Variants in HDAC8 observed in about 807,000 individuals in gnomAD.
HDAC8 encodes the protein histone deacetylase-like 1.
Under a neutral mutation model 32.2 loss-of-function variants are expected in HDAC8, and 1 was observed. The observed-to-expected ratio is 0.03, with a 90% CI of 0.01 to 0.15. The LOEUF is 0.15. Among genes scored for constraint, HDAC8 ranks in the 10% least tolerant of loss-of-function variants. The probability of loss-of-function intolerance (pLI) is 1.00; values close to 1 mark genes in which losing one functional copy is unlikely to be tolerated. For missense variants in HDAC8, 117 were observed against 300.0 expected (o/e 0.39, Z 4.51); for synonymous variants, 108 against 113.9 (o/e 0.95, Z 0.33).
chrX:72,550,015 T>G (rs2051010522), intron 4 of HDAC8, among the ~76,000 whole-genome samples: 2 of 112,136 alleles, frequency 1.8e-5, no homozygotes, highest in South Asian at 7.5e-4. Context: ...TGTCTAAAGC[T>G]GAAGTTCTTA....
At chrX:72,554,125 A>T (rs2051186583) in intron 4 of HDAC8, among the ~76,000 whole-genome samples, 1 of 112,005 alleles carries the variant, frequency 8.9e-6, no homozygotes, top group Non-Finnish European at 1.9e-5. Flanking sequence ...ATAATATCAT[A>T]TCATTACAGA....
intron 9 of HDAC8, among the ~76,000 whole-genome samples, chrX:72,398,638 G>A (rs369892229): frequency 1.8e-5 from 2 of 110,118 alleles, no homozygotes; most frequent in East Asian, 2.8e-4. Flanking sequence ...CACGTCTAGC[G>A]GGATTGTCTT....
chrX:72,504,723 G>C (rs1344623832), intron 4 of HDAC8, among the ~76,000 whole-genome samples: 1 of 112,077 alleles, frequency 8.9e-6, no homozygotes, highest in Non-Finnish European at 1.9e-5. Context: ...CTTAGAAGTG[G>C]AATTTTTAGG....
At chrX:72,548,614 T>C (rs924338968) in intron 4 of HDAC8, among the ~76,000 whole-genome samples, 1 of 111,759 alleles carries the variant, frequency 8.9e-6, no homozygotes, top group Non-Finnish European at 1.9e-5. Flanking sequence ...GAAGACATCT[T>C]CATCATCACC....
chrX:72,536,949 AAAG>A (rs1179664119), intron 4 of HDAC8, among the ~76,000 whole-genome samples: 2 of 112,016 alleles, frequency 1.8e-5, no homozygotes, highest in South Asian at 3.8e-4. Context: ...GCACAGAGAG[AAAG>A]AAGGTTTGGG....
intron 4 of HDAC8, among the ~76,000 whole-genome samples, chrX:72,556,071 G>A (rs1260709882): frequency 8.9e-6 from 1 of 111,863 alleles, no homozygotes; most frequent in Non-Finnish European, 1.9e-5. Flanking sequence ...AACCTTACAA[G>A]CTGGAAGGGA....
At chrX:72,532,341 A>G (rs1603194307) in intron 4 of HDAC8, among the ~76,000 whole-genome samples, 1 of 89,340 alleles carries the variant, frequency 1.1e-5, no homozygotes, top group African/African-American at 4.4e-5. Context: ...CAATCCTCCC[A>G]CCTTGTCCTC....
At chrX:72,393,246 G>A (rs1248265485) in intron 9 of HDAC8, among the ~76,000 whole-genome samples, 1 of 111,594 alleles carries the variant, frequency 9.0e-6, no homozygotes, top group Non-Finnish European at 1.9e-5. Context: ...ATGGGTGAGA[G>A]AGGGACAATG....
chrX:72,512,218 T>C (rs2049612042), intron 4 of HDAC8, among the ~76,000 whole-genome samples: 1 of 110,533 alleles, frequency 9.0e-6, no homozygotes, highest in South Asian at 4.0e-4. Context: ...TTGCCACTAG[T>C]CCCAAATAAT....
chrX:72,571,557 T>TTC (rs2052065257), intron 2 of HDAC8, among the ~76,000 whole-genome samples: 1 of 47,884 alleles, frequency 2.1e-5, no homozygotes, highest in Non-Finnish European at 3.0e-5. Context: ...TTCTTTCTTT[T>TTC]TTTTTTTTTT....
chrX:72,532,470 T>A (rs1156435286), intron 4 of HDAC8, among the ~76,000 whole-genome samples: 2 of 101,650 alleles, frequency 2.0e-5, no homozygotes, highest in Non-Finnish European at 1.9e-5. Context: ...TACTTGCTAG[T>A]GTCTTTTTTT....
intron 4 of HDAC8, among the ~76,000 whole-genome samples, chrX:72,562,311 A>C (rs1231159459): frequency 1.8e-5 from 2 of 112,708 alleles, no homozygotes; most frequent in Admixed American, 1.9e-4. Context: ...GTGGATAAAG[A>C]AAATGTTTTA....
chrX:72,433,264 A>T (rs781979208), intron 9 of HDAC8, among the ~76,000 whole-genome samples: 7 of 111,374 alleles, frequency 6.3e-5, no homozygotes, highest in African/African-American at 2.0e-4. Flanking sequence ...CATCTAGCGC[A>T]TAGAGGCCAA....
intron 9 of HDAC8, among the ~76,000 whole-genome samples, chrX:72,412,710 C>T (rs1241721776): frequency 8.9e-6 from 1 of 111,749 alleles, no homozygotes; most frequent in Non-Finnish European, 1.9e-5. Flanking sequence ...ATGGGTCCTG[C>T]CTGCCATGGT....
At chrX:72,510,454 C>A (rs1437081245) in intron 4 of HDAC8, among the ~76,000 whole-genome samples, 1 of 111,728 alleles carries the variant, frequency 9.0e-6, no homozygotes, top group Non-Finnish European at 1.9e-5. Context: ...GAAAATGTAT[C>A]AAGAACGTTG....
At chrX:72,369,050 A>G (rs1309456340) in intron 9 of HDAC8, among the ~76,000 whole-genome samples, 1 of 111,480 alleles carries the variant, frequency 9.0e-6, no homozygotes, top group Non-Finnish European at 1.9e-5. Flanking sequence ...GACCTCGTCC[A>G]GGCTCTCAGT....
At chrX:72,366,697 CAT>C (rs1353077089) in intron 9 of HDAC8, among the ~76,000 whole-genome samples, 1 of 112,246 alleles carries the variant, frequency 8.9e-6, no homozygotes, top group Non-Finnish European at 1.9e-5. Flanking sequence ...ATGACTCTGA[CAT>C]GTGGCCAGTC....
At chrX:72,558,580 G>A (rs782066861) in intron 4 of HDAC8, among the ~76,000 whole-genome samples, 5 of 111,622 alleles carry the variant, frequency 4.5e-5, no homozygotes, top group African/African-American at 1.3e-4. Context: ...TAGGAGGGAC[G>A]TACCTTAAGG....
chrX:72,541,830 T>A (rs1049170604), intron 4 of HDAC8, among the ~76,000 whole-genome samples: 3 of 111,604 alleles, frequency 2.7e-5, no homozygotes, highest in African/African-American at 9.8e-5. Context: ...AGGGAAAGAT[T>A]GCAAGTTCAG....
Sources: gnomAD v4.1 joint callset for allele counts (sites outside exome capture counted in the v4.1 genomes callset) on GRCh38, gnomAD v4.1.1 for gene constraint, MANE v1.5 for transcripts, NCBI Gene and HGNC (gene_info 2026-07-23, HGNC 2026-07-21) for gene names.